The following MACF1 variants were observed in gnomAD, a reference collection of about 807,000 sequenced individuals.
MACF1 encodes microtubule-actin cross-linking factor 1.
MACF1 carries 193 observed loss-of-function variants against 854.8 expected under a neutral mutation model. The observed-to-expected ratio is 0.23, with a 90% CI of 0.20 to 0.25. The LOEUF is 0.25. Among genes scored for constraint, MACF1 ranks in the 10% least tolerant of loss-of-function variants. The pLI is 1.00. For missense variants in MACF1, 7,722 were observed against 8,929.1 expected (o/e 0.86, Z 5.45); for synonymous variants, 3,185 against 3,226.7 (o/e 0.99, Z 0.44).
In MACF1 at chr1:39,421,561, T is replaced by C. The variant is rs566974538; in HGVS notation, c.15817-813T>C. 5.9e-5 allele frequency among the ~76,000 whole-genome samples: 9 copies of C among 152,316 alleles called. No individual in the cohort carries two copies. The East Asian group carries it at 1.7e-3, about 29-fold the overall frequency. On this transcript the variant is annotated intron_variant, in intron 58 of 100. Coordinates refer to ENST00000564288, the MANE Select transcript of MACF1 (RefSeq NM_001394062.1). ...GCTATGAGGTTGGCATTTTTCACAC[T>C]GTTAATATGTTTTGACTAATTGAGT...
intron 40 of MACF1, 41 bp downstream of exon 40, chr1:39,340,994 A>T: frequency 6.6e-7 from 1 of 1,518,356 alleles, no homozygotes. Flanking sequence ...GAGTTGTATC[A>T]ATTTTATTTC....
At chr1:39,174,422 G>A (rs1426554941) in intron 2 of MACF1, among the ~76,000 whole-genome samples, 1 of 152,180 alleles carries the variant, frequency 6.6e-6, no homozygotes, top group Non-Finnish European at 1.5e-5. Flanking sequence ...AATGCTGAGT[G>A]TAGCTTTATT....
chr1:39,431,917 A>G (rs2148652495), intron 66 of MACF1, among the ~76,000 whole-genome samples: 1 of 152,334 alleles, frequency 6.6e-6, no homozygotes, highest in Middle Eastern at 3.4e-3. Flanking sequence ...TAGAGCCTGC[A>G]GTGAGCTATG....
intron 85 of MACF1, 57 bp from the exon 86 acceptor site, chr1:39,452,099 G>C: frequency 7.2e-7 from 1 of 1,385,556 alleles, no homozygotes; most frequent in South Asian, 1.4e-5. Flanking sequence ...TTTCCCAGTG[G>C]TTTCTTGGAC....
At chr1:39,356,002 C>T (rs1015768414) in intron 44 of MACF1, among the ~76,000 whole-genome samples, 4 of 152,126 alleles carry the variant, frequency 2.6e-5, no homozygotes, top group Non-Finnish European at 1.5e-5. Flanking sequence ...CTGAGGCTAT[C>T]AGGTTGTTGT....
rs138693822 is a variant in MACF1 at position 39,360,819 on chromosome 1, C to T, written c.12271C>T (p.Leu4091Phe). ...TDSILSHFQS[L>F]SYSLAERSSL... Reference sequence around the variant, plus strand: ...TTCCATACTCAGCCACTTCCAAAGCCTCTCCTATAGCCTGGCTGAGCGATC... The same window carrying T: ...TTCCATACTCAGCCACTTCCAAAGCTTCTCCTATAGCCTGGCTGAGCGATC... The change falls in exon 48 of 101, where the codon CTC becomes TTC. Residue 4091 changes from leucine to phenylalanine, a missense_variant. Coordinates refer to ENST00000564288, the MANE Select transcript of MACF1 (RefSeq NM_001394062.1). The T allele has an allele frequency of 9.6e-5, 154 of 1,612,346 alleles. 1 individual carries two copies. In the East Asian group the frequency reaches 3.2e-3, roughly 33 times the overall value.
intron 6 of MACF1, among the ~76,000 whole-genome samples, chr1:39,270,825 T>C (rs1202887171): frequency 6.6e-6 from 1 of 152,196 alleles, no homozygotes; most frequent in Non-Finnish European, 1.5e-5. Context: ...TGCCTATCAC[T>C]AGCAGCATAA....
chr1:39,393,196 A>AAAAAATAT (rs57576149), intron 58 of MACF1, among the ~76,000 whole-genome samples: 10 of 66,566 alleles, frequency 1.5e-4, no homozygotes, highest in African/African-American at 8.4e-4. Context: ...AAAAAAAAAA[A>AAAAAATAT]ATATATATAT....
rs1644433015 is a variant in MACF1 at position 39,204,918 on chromosome 1, C to G, written c.-105C>G. 3 of 650,138 alleles carry G rather than the reference C, an allele frequency of 4.6e-6. No homozygotes were observed. The highest frequency in any genetic ancestry group is 8.3e-6 in the Non-Finnish European group (3 of 360,478). The allele number at this position is 650,138 out of a possible 1,614,324, so 40.3% of individuals were successfully genotyped here. Reference sequence around the variant, plus strand: ...TGACAACACTAAGCTCCGGCCTCTGCCTCTGCTGATAGTACAGGACAACAG... The same window carrying G: ...TGACAACACTAAGCTCCGGCCTCTGGCTCTGCTGATAGTACAGGACAACAG... On this transcript the variant is annotated 5_prime_UTR_variant, in exon 1 of 101. Transcript: ENST00000564288.
At chr1:39,380,075 A>G (rs1429436557) in intron 54 of MACF1, among the ~76,000 whole-genome samples, 169 bp from the exon 55 acceptor site, 1 of 152,240 alleles carries the variant, frequency 6.6e-6, no homozygotes, top group Admixed American at 6.5e-5. Flanking sequence ...TCATTTTAAA[A>G]TAAAAATTGA....
chr1:39,287,589 A>ATTT lies in MACF1; in HGVS notation c.1785+27_1785+28insTTT, dbSNP rs1645669209. 14 of 1,612,070 alleles carry ATTT rather than the reference A, an allele frequency of 8.7e-6. No homozygotes were observed. The East Asian group carries it at 2.9e-4, about 33-fold the overall frequency. On this transcript the variant is annotated intron_variant, in intron 15 of 100. Coordinates refer to ENST00000564288, the MANE Select transcript of MACF1 (RefSeq NM_001394062.1). ...TGGGTGCATATCCAAAAGCTTATGC[A>ATTT]GTACACTGATGTTTACTGGATCTGG...
At position 39,333,484 on chromosome 1, in the gene MACF1, A is replaced by C. The variant is rs747487482; in HGVS notation, c.6896A>C (p.His2299Pro). The change falls in exon 37 of 101, where the codon CAT (histidine) becomes CCT (proline). Residue 2299 changes from histidine to proline, a missense_variant. By Grantham distance (77) the His-to-Pro change is moderately conservative. Around this residue, in one of 15 missense-constraint regions of MACF1, gnomAD observed 1,531 missense variants for 1,601.6 expected, o/e 0.96. Coordinates refer to ENST00000564288, the MANE Select transcript of MACF1 (RefSeq NM_001394062.1). ...SAQLLDGGIF[H>P]EQTGQKLLLN... ...CAGTTACTAGATGGTGGTATCTTTCATGAACAAACAGGTCAAAAGCTCTTA... is the reference window on the plus strand; with the variant it reads ...CAGTTACTAGATGGTGGTATCTTTCCTGAACAAACAGGTCAAAAGCTCTTA... The C allele has an allele frequency of 1.5e-5, 24 of 1,614,108 alleles. No homozygotes were observed. The Admixed American group carries it at 2.5e-4, about 17-fold the overall frequency.
At chr1:39,252,812 C>T (rs982721109) in intron 4 of MACF1, among the ~76,000 whole-genome samples, 3 of 152,136 alleles carry the variant, frequency 2.0e-5, no homozygotes, top group Non-Finnish European at 4.4e-5. Context: ...TTATCCTGTG[C>T]CCAGAGAGGC....
At chr1:39,448,492 A>G (rs1644272317) in intron 83 of MACF1, 102 bp from the exon 84 acceptor site, 6 of 962,208 alleles carry the variant, frequency 6.2e-6, no homozygotes, top group Admixed American at 3.2e-5. Flanking sequence ...GGTGATATTC[A>G]TACTTTATTT....
chr1:39,455,208 A>G (rs1465914082), intron 89 of MACF1, 111 bp downstream of exon 89: 2 of 1,042,280 alleles, frequency 1.9e-6, no homozygotes, highest in Non-Finnish European at 2.8e-6. Flanking sequence ...ATTACCACAG[A>G]CTTAGCACTG....
chr1:39,258,629 T>C (rs1645122791), intron 6 of MACF1, among the ~76,000 whole-genome samples: 1 of 152,228 alleles, frequency 6.6e-6, no homozygotes, highest in Non-Finnish European at 1.5e-5. Flanking sequence ...ATTGGAAAAG[T>C]ACAGCCCTAT....
chr1:39,348,826 G>A (rs1490212346), intron 41 of MACF1, among the ~76,000 whole-genome samples: 1 of 152,108 alleles, frequency 6.6e-6, no homozygotes, highest in Non-Finnish European at 1.5e-5. Flanking sequence ...CTCTCCTTGG[G>A]CCTGGCCTGT....
At chr1:39,285,571 T>C (rs1185468438) in intron 13 of MACF1, 33 bp from the exon 14 acceptor site, 1 of 1,606,274 alleles carries the variant, frequency 6.2e-7, no homozygotes, top group South Asian at 1.1e-5. Flanking sequence ...GCAATGGAAG[T>C]TTTCCCACTG....
chr1:39,314,565 T>TCACACA (rs1387509578), intron 26 of MACF1, among the ~76,000 whole-genome samples: 81 of 51,772 alleles, frequency 1.6e-3, no homozygotes, highest in South Asian at 0.014. Context: ...TCTCTCTCTC[T>TCACACA]CTCTCACACA....
Sources: gnomAD v4.1 joint callset for allele counts (sites outside exome capture counted in the v4.1 genomes callset) on GRCh38, gnomAD v4.1.1 for gene constraint, gnomAD v4.1.1 regional missense constraint, MANE v1.5 for transcripts, NCBI Gene and HGNC (gene_info 2026-07-23, HGNC 2026-07-21) for gene names.